IGSF21: variants seen among roughly 807,000 people sequenced by gnomAD.
The protein encoded by IGSF21 is immunoglobulin superfamily member 21.
In IGSF21, 28 loss-of-function variants were observed where a neutral mutation model predicts 46.8. That is an observed-to-expected ratio of 0.60 (90% CI 0.44 to 0.82). The LOEUF (loss-of-function observed/expected upper bound fraction) is 0.82, where lower values mean the gene tolerates loss of function less well. Among genes scored for constraint, IGSF21 ranks in the 40% least tolerant of loss-of-function variants. IGSF21 has a pLI of 0.00. For missense variants in IGSF21, 624 were observed against 665.5 expected, an observed-to-expected ratio of 0.94 and a Z score of 0.69; for synonymous variants, 284 against 273.6, an observed-to-expected ratio of 1.04 and a Z score of -0.38.
chr1:18,196,662 C>A (rs1344352839), intron 1 of IGSF21, among the ~76,000 whole-genome samples: 2 of 152,130 alleles, frequency 1.3e-5, no homozygotes, highest in Non-Finnish European at 2.9e-5. Context: ...ACATAATGGC[C>A]CCATGAGGTG....
chr1:18,301,344 G>C (rs896033631), intron 3 of IGSF21, among the ~76,000 whole-genome samples: 1 of 152,182 alleles, frequency 6.6e-6, no homozygotes. Flanking sequence ...TTGTTTGTTT[G>C]TTTGTTTGTT....
intron 3 of IGSF21, among the ~76,000 whole-genome samples, chr1:18,292,945 T>C (rs1354055432): frequency 6.6e-6 from 1 of 152,188 alleles, no homozygotes; most frequent in Non-Finnish European, 1.5e-5. Context: ...AGCCTGAAAG[T>C]AGTGGTCTGC....
At chr1:18,177,386 C>A (rs2086810270) in intron 1 of IGSF21, among the ~76,000 whole-genome samples, 1 of 126,006 alleles carries the variant, frequency 7.9e-6, no homozygotes, top group African/African-American at 3.0e-5. Context: ...GGGATGGGGT[C>A]AGTGAGGTGT....
intron 2 of IGSF21, among the ~76,000 whole-genome samples, chr1:18,253,274 C>T (rs2084859830): frequency 6.6e-6 from 1 of 152,214 alleles, no homozygotes; most frequent in Admixed American, 6.5e-5. Flanking sequence ...TCAGCAAACC[C>T]AAACTTTCCT....
At chr1:18,250,098 G>GATCC (rs2084824681) in intron 2 of IGSF21, among the ~76,000 whole-genome samples, 1 of 59,882 alleles carries the variant, frequency 1.7e-5, no homozygotes, top group Non-Finnish European at 3.2e-5. Context: ...TCCCTCCCTC[G>GATCC]CTCCCTCCCT....
intron 3 of IGSF21, among the ~76,000 whole-genome samples, chr1:18,296,692 C>T (rs756959862): frequency 2.6e-5 from 4 of 152,134 alleles, no homozygotes; most frequent in African/African-American, 7.2e-5. Context: ...TTTGAGGTGG[C>T]GTGTCCTGAA....
intron 1 of IGSF21, among the ~76,000 whole-genome samples, chr1:18,188,858 C>A (rs912720929): frequency 6.6e-6 from 1 of 152,234 alleles, no homozygotes; most frequent in Non-Finnish European, 1.5e-5. Context: ...CCCCTTGAGC[C>A]TTTACCCTTA....
At chr1:18,363,825 G>A (rs2086130156) in intron 5 of IGSF21, among the ~76,000 whole-genome samples, 1 of 151,874 alleles carries the variant, frequency 6.6e-6, no homozygotes, top group South Asian at 2.1e-4. Context: ...GGGGCACTGG[G>A]CAGGGGCACA....
At chr1:18,125,270 T>A (rs1429010179) in intron 1 of IGSF21, among the ~76,000 whole-genome samples, 2 of 152,214 alleles carry the variant, frequency 1.3e-5, no homozygotes, top group Admixed American at 1.3e-4. Flanking sequence ...ATCTGGGACA[T>A]CACTTCATTC....
intron 3 of IGSF21, among the ~76,000 whole-genome samples, chr1:18,321,355 T>C (rs2085599149): frequency 6.6e-6 from 1 of 152,196 alleles, no homozygotes; most frequent in Non-Finnish European, 1.5e-5. Flanking sequence ...TTTGTTTCTG[T>C]TCTGCCACTG....
chr1:18,117,955 C>T (rs1461433403), intron 1 of IGSF21, among the ~76,000 whole-genome samples: 1 of 152,200 alleles, frequency 6.6e-6, no homozygotes. Flanking sequence ...TGTCAGGGAC[C>T]TGTCCCAGGG....
At chr1:18,305,175 G>A (rs1459404565) in intron 3 of IGSF21, among the ~76,000 whole-genome samples, 1 of 124,778 alleles carries the variant, frequency 8.0e-6, no homozygotes, top group African/African-American at 2.7e-5. Flanking sequence ...ATAAGAGATA[G>A]GGAAGGGGAT....
chr1:18,175,538 G>T (rs984696597), intron 1 of IGSF21, among the ~76,000 whole-genome samples: 1 of 152,166 alleles, frequency 6.6e-6, no homozygotes, highest in African/African-American at 2.4e-5. Flanking sequence ...AAGGTTAAAG[G>T]CAGGAGGGGT....
intron 1 of IGSF21, among the ~76,000 whole-genome samples, chr1:18,198,543 A>T (rs2087032908): frequency 6.6e-6 from 1 of 152,256 alleles, no homozygotes; most frequent in South Asian, 2.1e-4. Context: ...GCCAGACCTT[A>T]AAAAATACAG....
Position 18,117,866 on chromosome 1 carries a change from A to T in IGSF21, c.70+9668A>T, listed in dbSNP as rs559129126. Among the ~76,000 whole-genome samples, 168 of 152,270 alleles carry T rather than the reference A, an allele frequency of 1.1e-3. 3 individuals carry two copies. In the South Asian group the frequency reaches 0.025, roughly 22 times the overall value. ...CTCTCCCCATTTTACAGACAAGAAA[A>T]CTGAGCCCAGAGAGAGGAATGAGTC... On this transcript the variant is annotated intron_variant, in intron 1 of 9. Transcript: ENST00000251296.
chr1:18,112,124 TGTTTA>T (rs2086150418), intron 1 of IGSF21: 3 of 152,230 alleles, frequency 2.0e-5, no homozygotes, highest in Non-Finnish European at 2.9e-5. Context: ...AAATAGAGGC[TGTTTA>T]GTTCTATTAA....
intron 1 of IGSF21, among the ~76,000 whole-genome samples, chr1:18,198,981 C>G (rs2124481412): frequency 6.6e-6 from 1 of 152,060 alleles, no homozygotes; most frequent in South Asian, 2.1e-4. Flanking sequence ...GAGGGTGGCC[C>G]CCTGGGACTC....
chr1:18,362,275 A>C (rs1569878356), intron 5 of IGSF21, 45 bp downstream of exon 5: 1 of 1,407,920 alleles, frequency 7.1e-7, no homozygotes. Context: ...CTGCCGGACC[A>C]CCCTGCTTCG....
chr1:18,138,888 C>T (rs992550912), intron 1 of IGSF21, among the ~76,000 whole-genome samples: 1 of 152,330 alleles, frequency 6.6e-6, no homozygotes. Flanking sequence ...GATGAGGAAA[C>T]TGAGGCCCAG....
Sources: allele counts gnomAD v4.1 joint callset (sites outside exome capture counted in the v4.1 genomes callset), GRCh38; gene constraint gnomAD v4.1.1; transcripts MANE v1.5; gene names NCBI Gene and HGNC (gene_info 2026-07-23, HGNC 2026-07-21).